Variants in PCDH9 observed in about 807,000 individuals in gnomAD.
PCDH9 encodes the protein protocadherin-9.
In PCDH9, 24 loss-of-function variants were observed where a neutral mutation model predicts 70.6. That is an observed-to-expected ratio of 0.34 (90% confidence interval 0.25 to 0.48). PCDH9 has a LOEUF of 0.48. Among genes scored for constraint, PCDH9 ranks in the 20% least tolerant of loss-of-function variants. The probability of loss-of-function intolerance (pLI) is 0.99; values close to 1 mark genes in which losing one functional copy is unlikely to be tolerated. For synonymous variants in PCDH9, 562 were observed against 558.5 expected (o/e 1.01, Z -0.09); for missense variants, 1,281 against 1,503.6 (o/e 0.85, Z 2.45).
At chr13:67,153,579 T>A (rs1311933103) in intron 2 of PCDH9, among the ~76,000 whole-genome samples, 3 of 152,242 alleles carry the variant, frequency 2.0e-5, no homozygotes, top group Non-Finnish European at 4.4e-5. Context: ...AAACGTCTGT[T>A]TCATAACATC....
intron 2 of PCDH9, among the ~76,000 whole-genome samples, chr13:66,919,990 T>A (rs2082614122): frequency 6.6e-6 from 1 of 151,018 alleles, no homozygotes; most frequent in Non-Finnish European, 1.5e-5. Flanking sequence ...TTGAAATATA[T>A]CCATGTAACC....
chr13:66,450,607 A>G (rs1476490231), intron 4 of PCDH9, among the ~76,000 whole-genome samples: 2 of 152,228 alleles, frequency 1.3e-5, no homozygotes, highest in Non-Finnish European at 2.9e-5. Flanking sequence ...ACAAGTAGTG[A>G]CCAATGGCGT....
rs760894851 is a variant in PCDH9, at chr13:67,228,457, T to C, written c.-17A>G. 1 of 1,532,764 alleles carries C rather than the reference T, an allele frequency of 6.5e-7. No individual in the cohort carries two copies. Among genetic ancestry groups the C allele is most frequent in the Non-Finnish European group, 8.7e-7 (1 of 1,143,380 alleles). The allele number at this position is 1,532,764 out of a possible 1,614,324, so 94.9% of individuals were successfully genotyped here. On this transcript the variant is annotated 5_prime_UTR_variant, in exon 2 of 5. Transcript: ENST00000377865. ...CAGGTCCATGATAATGTATTTATTT[T>C]CTTTTCCTGGATTTTAGGGTTTAAA...
At chr13:66,524,102 T>A (rs186541211) in intron 4 of PCDH9, among the ~76,000 whole-genome samples, 77 of 152,118 alleles carry the variant, frequency 5.1e-4, no homozygotes, top group African/African-American at 1.8e-3. Flanking sequence ...AGTTCATGAT[T>A]AATTTTTCTT....
At chr13:66,512,645 C>G (rs947092231) in intron 4 of PCDH9, among the ~76,000 whole-genome samples, 2 of 150,824 alleles carry the variant, frequency 1.3e-5, no homozygotes, top group African/African-American at 5.0e-5. Flanking sequence ...GTAAAACACA[C>G]ACACAGACAC....
At chr13:66,747,960 C>T (rs1199192968) in intron 3 of PCDH9, among the ~76,000 whole-genome samples, 1 of 152,048 alleles carries the variant, frequency 6.6e-6, no homozygotes, top group Non-Finnish European at 1.5e-5. Flanking sequence ...CAATGTAGTT[C>T]AGGATATAGT....
intron 4 of PCDH9, among the ~76,000 whole-genome samples, chr13:66,543,965 T>C (rs774536455): frequency 9.2e-5 from 14 of 152,172 alleles, no homozygotes; most frequent in Non-Finnish European, 1.8e-4. Flanking sequence ...CTACTGAGTC[T>C]GAACAGCTCC....
rs1033962376 is a variant in PCDH9, at chr13:67,057,353, G to A, written c.3037-153748C>T. 4.6e-5 allele frequency among the ~76,000 whole-genome samples: 7 copies of A among 151,970 alleles called. No homozygotes were observed. In the South Asian group the frequency reaches 1.3e-3, roughly 27 times the overall value. Reference sequence around the variant, plus strand: ...GTGCTAATGCTGACTTCACACCAAAGAGAAGCATGACCTTTAGTCTCGGTG... The same window carrying A: ...GTGCTAATGCTGACTTCACACCAAAAAGAAGCATGACCTTTAGTCTCGGTG... On this transcript the variant is annotated intron_variant, in intron 2 of 4. Transcript: ENST00000377865.
chr13:66,993,757 A>T (rs2084050604), intron 2 of PCDH9, among the ~76,000 whole-genome samples: 1 of 152,216 alleles, frequency 6.6e-6, no homozygotes, highest in Admixed American at 6.5e-5. Flanking sequence ...TCTTATAATC[A>T]CACGAAAAAT....
chr13:67,185,962 C>G (rs529647169), intron 2 of PCDH9, among the ~76,000 whole-genome samples: 2 of 152,212 alleles, frequency 1.3e-5, no homozygotes, highest in South Asian at 4.2e-4. Flanking sequence ...AAACTCCCGA[C>G]CTCAGGTGAT....
intron 3 of PCDH9, chr13:66,825,301 G>A (rs2080799979): frequency 7.1e-6 from 1 of 141,058 alleles, no homozygotes; most frequent in African/African-American, 2.6e-5. Context: ...TGTATGAACT[G>A]TAATTAACAC....
chr13:66,424,488 T>C (rs1348612351), intron 4 of PCDH9, among the ~76,000 whole-genome samples: 1 of 151,962 alleles, frequency 6.6e-6, no homozygotes, highest in Non-Finnish European at 1.5e-5. Flanking sequence ...GTGACCTGCA[T>C]GGATGGCATT....
chr13:66,309,296 A>G (rs1955523215), intron 4 of PCDH9, among the ~76,000 whole-genome samples: 1 of 152,048 alleles, frequency 6.6e-6, no homozygotes, highest in Admixed American at 6.6e-5. Flanking sequence ...AAATTGGTAA[A>G]AAGAAAAAGT....
At chr13:66,651,703 C>T (rs2138992187) in intron 3 of PCDH9, among the ~76,000 whole-genome samples, 1 of 152,062 alleles carries the variant, frequency 6.6e-6, no homozygotes, top group South Asian at 2.1e-4. Context: ...GACAAAAACA[C>T]ATTAAAAACA....
rs552150232 is a variant in PCDH9 at position 66,794,697 on chromosome 13, G to A, written c.3138+108807C>T. On this transcript the variant is annotated intron_variant, in intron 3 of 4. Transcript: ENST00000377865. ...TTTGCTTGACCTTAACTCTCCTGCT[G>A]TCAATACTGTATTGCAGCCTGTTAA... Among the ~76,000 whole-genome samples, 4 of 152,156 alleles carry A rather than the reference G, an allele frequency of 2.6e-5. No individual in the cohort carries two copies. In the South Asian group the frequency reaches 8.3e-4, roughly 32 times the overall value.
chr13:67,113,913 G>T (rs1158047322), intron 2 of PCDH9, among the ~76,000 whole-genome samples: 1 of 152,130 alleles, frequency 6.6e-6, no homozygotes. Flanking sequence ...TTCTTTTACC[G>T]GCTGGAGCTA....
chr13:66,738,892 A>T (rs1263052212), intron 3 of PCDH9, among the ~76,000 whole-genome samples: 2 of 148,874 alleles, frequency 1.3e-5, no homozygotes, highest in Non-Finnish European at 3.0e-5. Context: ...GATGCGGAGA[A>T]TGGAACCAAG....
At chr13:66,773,409 G>A (rs1233682615) in intron 3 of PCDH9, among the ~76,000 whole-genome samples, 1 of 151,838 alleles carries the variant, frequency 6.6e-6, no homozygotes, top group Non-Finnish European at 1.5e-5. Context: ...CGGGTGGATC[G>A]CGAGGTCAGG....
At chr13:67,126,560 A>C (rs1402985843) in intron 2 of PCDH9, among the ~76,000 whole-genome samples, 1 of 152,196 alleles carries the variant, frequency 6.6e-6, no homozygotes, top group Non-Finnish European at 1.5e-5. Context: ...TATTTTAAAA[A>C]TAAATAGGGG....
Sources: gnomAD v4.1 joint callset for allele counts (sites outside exome capture counted in the v4.1 genomes callset) on GRCh38, gnomAD v4.1.1 for gene constraint, MANE v1.5 for transcripts, NCBI Gene and HGNC (gene_info 2026-07-23, HGNC 2026-07-21) for gene names.